Variants in ABLIM2 observed in about 807,000 individuals in gnomAD.
The protein encoded by ABLIM2 is actin-binding LIM protein 2.
In ABLIM2, 53 loss-of-function variants were observed where a neutral mutation model predicts 97.7. The observed-to-expected ratio is 0.54, with a 90% CI of 0.44 to 0.68. The LOEUF (loss-of-function observed/expected upper bound fraction) is 0.68, where lower values mean the gene tolerates loss of function less well. Among genes scored for constraint, ABLIM2 ranks in the 30% least tolerant of loss-of-function variants. The probability of loss-of-function intolerance (pLI) is 0.00; values close to 1 mark genes in which losing one functional copy is unlikely to be tolerated. For synonymous variants in ABLIM2, 361 were observed against 345.8 expected, an observed-to-expected ratio of 1.04 and a Z score of -0.49; for missense variants, 835 against 867.2, an observed-to-expected ratio of 0.96 and a Z score of 0.47.
chr4:8,041,146 T>C lies in ABLIM2; in HGVS notation c.900+4018A>G, dbSNP rs1466054584. ...GAGACACAGTGCACCACGCTGCAGT[T>C]GACCTGGGTCAAGTGCATGCCCCAC... On this transcript the variant is annotated intron_variant, in intron 9 of 20. Coordinates refer to ENST00000447017, the MANE Select transcript of ABLIM2 (RefSeq NM_001130083.2). Among the ~76,000 whole-genome samples, 3 of 152,236 alleles carry C rather than the reference T, an allele frequency of 2.0e-5. No individual in the cohort carries two copies. The East Asian group carries it at 5.8e-4, about 29-fold the overall frequency.
Position 8,080,880 on chromosome 4 carries a change from C to T in ABLIM2, c.455-78G>A, listed in dbSNP as rs186817155. The T allele has an allele frequency of 5.9e-4, 885 of 1,510,040 alleles. 5 individuals are homozygous for T. Among genetic ancestry groups the T allele is most frequent in the Middle Eastern group, 4.0e-3 (16 of 3,982 alleles). The allele number at this position is 1,510,040 out of a possible 1,614,324, so 93.5% of individuals were successfully genotyped here. A position where few individuals can be genotyped will look rare whatever the true frequency, so the allele number is the denominator to read the frequency against. On this transcript the variant is annotated intron_variant, in intron 4 of 20. Coordinates refer to ENST00000447017, the MANE Select transcript of ABLIM2 (RefSeq NM_001130083.2). The stretch of plus-strand genomic sequence containing the variant: ...GGGAGGCCTCCTGCTCTCCACACTC[C>T]GTGAAGGCCCCTGGGGCAGCCGGGA...
rs571305375 is a variant in ABLIM2 at position 8,023,343 on chromosome 4, G to A, written c.1268-3040C>T. 9.2e-5 allele frequency among the ~76,000 whole-genome samples: 14 copies of A among 152,334 alleles called. No individual in the cohort carries two copies. Among genetic ancestry groups the A allele is most frequent in the South Asian group, 6.2e-4 (3 of 4,826 alleles). On this transcript the variant is annotated intron_variant, in intron 12 of 20. Transcript: ENST00000447017. This position sits in a 1 kb window ranked among gnomAD's most constrained non-coding sequence, Gnocchi z 5.7. ...GTCTCCCAAGGCTCCTCTCGGCTGC[G>A]ACCTTTTGCAGACGTTCCTTGTGTC...
intron 4 of ABLIM2, among the ~76,000 whole-genome samples, chr4:8,081,719 CA>C (rs1819942907): frequency 6.6e-6 from 1 of 152,104 alleles, no homozygotes; most frequent in Admixed American, 6.5e-5. Context: ...TATATGAGGT[CA>C]GGGGCGGGGA....
Position 8,032,795 on chromosome 4 carries a change from C to A in ABLIM2, c.1048-3019G>T. 2 of 1,077,746 alleles carry A rather than the reference C, an allele frequency of 1.9e-6. No homozygotes were observed. The highest frequency in any genetic ancestry group is 2.8e-6 in the Non-Finnish European group (2 of 708,164). The allele number at this position is 1,077,746 out of a possible 1,614,324, so 66.8% of individuals were successfully genotyped here. A position where few individuals can be genotyped will look rare whatever the true frequency, so the allele number is the denominator to read the frequency against. The stretch of plus-strand genomic sequence containing the variant: ...GCAAACACCCACACAGAGCCCTGAT[C>A]CTCCAGACAGGAAAAGAACTCTACC... On this transcript the variant is annotated intron_variant, in intron 10 of 20. Coordinates refer to ENST00000447017, the MANE Select transcript of ABLIM2 (RefSeq NM_001130083.2). The surrounding 1 kb of genome is among the most constrained non-coding windows in gnomAD (Gnocchi z 4.3).
chr4:7,985,922 C>CA (rs1450778459), intron 17 of ABLIM2, among the ~76,000 whole-genome samples: 2 of 152,264 alleles, frequency 1.3e-5, no homozygotes, highest in African/African-American at 4.8e-5. Context: ...ATTGAACCCC[C>CA]ACAGGGGTCG....
chr4:8,116,930 T>A (rs956258602), intron 1 of ABLIM2, among the ~76,000 whole-genome samples: 8 of 152,222 alleles, frequency 5.3e-5, no homozygotes, highest in African/African-American at 1.9e-4. Flanking sequence ...ATAAGCCTTA[T>A]GCATTTTATC....
chr4:8,064,179 T>G (rs1369618284), intron 6 of ABLIM2, among the ~76,000 whole-genome samples: 1 of 152,232 alleles, frequency 6.6e-6, no homozygotes, highest in Non-Finnish European at 1.5e-5. Flanking sequence ...AGAAATAAAT[T>G]TGCCTTGCTG....
chr4:8,041,994 G>A (rs1788984095), intron 9 of ABLIM2, among the ~76,000 whole-genome samples: 1 of 152,198 alleles, frequency 6.6e-6, no homozygotes, highest in South Asian at 2.1e-4. Flanking sequence ...AACAGCAACA[G>A]CAACAGCTAC....
intron 20 of ABLIM2, among the ~76,000 whole-genome samples, chr4:7,981,828 A>G (rs996443276): frequency 6.6e-6 from 1 of 152,198 alleles, no homozygotes; most frequent in Non-Finnish European, 1.5e-5. Flanking sequence ...CAGAAACCAC[A>G]GCTCAAGAGC....
intron 5 of ABLIM2, among the ~76,000 whole-genome samples, chr4:8,080,371 G>C (rs1273970317): frequency 6.6e-6 from 1 of 152,184 alleles, no homozygotes; most frequent in Non-Finnish European, 1.5e-5. Context: ...GGGGAGGGAA[G>C]GCACTTCAAA....
chr4:8,088,034 C>A, intron 4 of ABLIM2, 135 bp downstream of exon 4: 1 of 336,420 alleles, frequency 3.0e-6, no homozygotes. Flanking sequence ...TCAGCACCGC[C>A]CCCACTCAGC....
rs909526569 is a variant in ABLIM2, at chr4:8,029,911, T to C, written c.1048-135A>G. 6 of 1,240,434 alleles carry C rather than the reference T, an allele frequency of 4.8e-6. No homozygotes were observed. In the African/African-American group the frequency reaches 9.0e-5, roughly 19 times the overall value. 76.8% of individuals were successfully genotyped at this position (1,240,434 alleles called of 1,614,324 possible). The stretch of plus-strand genomic sequence containing the variant: ...GACTCAACATGGCCCCATGTGGGAA[T>C]CTCCTGCACCTGTCAGGGCAGGTCT... On this transcript the variant is annotated intron_variant, in intron 10 of 20. Transcript: ENST00000447017.
rs1036242861 is a variant in ABLIM2, at chr4:8,019,419, A to G, written c.1423+199T>C. ...ACGCACAGAAGTTCCTTACTCAGAC[A>G]TACCCTTCATCGTAATTTATCAGAA... On this transcript the variant is annotated intron_variant, in intron 14 of 20. Coordinates refer to ENST00000447017, the MANE Select transcript of ABLIM2 (RefSeq NM_001130083.2). The surrounding 1 kb of genome is among the most constrained non-coding windows in gnomAD (Gnocchi z 4.3). Among the ~76,000 whole-genome samples the G allele has an allele frequency of 6.6e-6, 1 of 152,186 alleles. No individual in the cohort carries two copies. Among genetic ancestry groups the G allele is most frequent in the African/African-American group, 2.4e-5 (1 of 41,450 alleles).
intron 20 of ABLIM2, among the ~76,000 whole-genome samples, chr4:7,978,470 G>A (rs1735350719): frequency 6.6e-6 from 1 of 152,186 alleles, no homozygotes; most frequent in Admixed American, 6.5e-5. Flanking sequence ...TGAAATAGAA[G>A]TCCTGTCAAG....
At chr4:8,057,406 C>T (rs912090791) in intron 7 of ABLIM2, among the ~76,000 whole-genome samples, 5 of 152,272 alleles carry the variant, frequency 3.3e-5, no homozygotes, top group Non-Finnish European at 5.9e-5. Flanking sequence ...ATCTTTCTAA[C>T]GTTTTATTTA....
At chr4:8,073,322 C>T (rs2152355613) in intron 6 of ABLIM2, among the ~76,000 whole-genome samples, 1 of 150,248 alleles carries the variant, frequency 6.7e-6, no homozygotes, top group Non-Finnish European at 1.5e-5. Context: ...GGTCTGGCTG[C>T]CAACTCTTTG....
intron 12 of ABLIM2, among the ~76,000 whole-genome samples, chr4:8,025,087 C>T (rs922841712): frequency 2.4e-4 from 37 of 152,262 alleles, no homozygotes; most frequent in African/African-American, 7.9e-4. Context: ...GCCACCACAC[C>T]CGGCTAATTT....
intron 2 of ABLIM2, among the ~76,000 whole-genome samples, chr4:8,099,749 G>A (rs972542166): frequency 8.5e-5 from 13 of 152,272 alleles, no homozygotes; most frequent in Non-Finnish European, 1.5e-4. Context: ...GGAGGCTGAG[G>A]CAGGAGGATG....
chr4:8,115,458 G>C (rs1842399700), intron 1 of ABLIM2, among the ~76,000 whole-genome samples: 2 of 152,170 alleles, frequency 1.3e-5, no homozygotes, highest in African/African-American at 2.4e-5. Context: ...CCAGCCCCCT[G>C]CCAGTGCCTG....
Sources: allele counts gnomAD v4.1 joint callset (sites outside exome capture counted in the v4.1 genomes callset), GRCh38; gene constraint gnomAD v4.1.1; non-coding constraint Gnocchi (gnomAD v3.1); transcripts MANE v1.5; gene names NCBI Gene and HGNC (gene_info 2026-07-23, HGNC 2026-07-21).